Variants in EYS observed in about 807,000 individuals in gnomAD.
The protein encoded by EYS is EGF-like photoreceptor maintenance factor.
EYS carries 250 observed loss-of-function variants against 282.1 expected under a neutral mutation model. The ratio of observed to expected loss-of-function variants is 0.89; its 90% confidence interval spans 0.80 to 0.98. The LOEUF (loss-of-function observed/expected upper bound fraction) is 0.98, where lower values mean the gene tolerates loss of function less well. EYS is among the 50% of genes least tolerant of loss of function. The pLI is 0.00. For missense variants in EYS, 4,016 were observed against 3,709.0 expected (o/e 1.08, Z -2.15); for synonymous variants, 1,355 against 1,282.9 (o/e 1.06, Z -1.20).
intron 24 of EYS, among the ~76,000 whole-genome samples, chr6:64,606,074 A>G (rs1427190009): frequency 1.3e-5 from 2 of 151,834 alleles, no homozygotes; most frequent in Non-Finnish European, 2.9e-5. Flanking sequence ...CTGTGTTATA[A>G]TTGTTGTTTT....
chr6:64,605,230 G>A (rs570440445), intron 24 of EYS, among the ~76,000 whole-genome samples: 5 of 151,786 alleles, frequency 3.3e-5, no homozygotes, highest in Middle Eastern at 3.4e-3. Context: ...AATTATTTTC[G>A]ATATCCATGA....
At chr6:63,825,276 C>T (rs543268097) in intron 36 of EYS, among the ~76,000 whole-genome samples, 1 of 152,328 alleles carries the variant, frequency 6.6e-6, no homozygotes, top group African/African-American at 2.4e-5. Flanking sequence ...TGAGCTTAGA[C>T]ATGCCTAGCC....
intron 24 of EYS, among the ~76,000 whole-genome samples, chr6:64,600,945 T>G (rs1052740832): frequency 2.6e-5 from 4 of 152,098 alleles, no homozygotes; most frequent in Admixed American, 6.6e-5. Context: ...CCACTAGGAC[T>G]GTTATAGTGA....
intron 15 of EYS, among the ~76,000 whole-genome samples, chr6:64,933,576 G>A (rs887957699): frequency 3.3e-5 from 5 of 152,078 alleles, no homozygotes; most frequent in African/African-American, 4.8e-5. Context: ...ACAGTGTGGC[G>A]ATTCCTCAAG....
chr6:64,198,023 C>A (rs529330565), intron 31 of EYS, among the ~76,000 whole-genome samples: 1 of 151,678 alleles, frequency 6.6e-6, no homozygotes, highest in Non-Finnish European at 1.5e-5. Flanking sequence ...GACGGAGTCT[C>A]GCTCTGTTGC....
chr6:64,861,522 C>G (rs1295675529), intron 19 of EYS, among the ~76,000 whole-genome samples: 1 of 152,134 alleles, frequency 6.6e-6, no homozygotes, highest in East Asian at 1.9e-4. Context: ...CTCCCAGCCC[C>G]CAAGAGCTCA....
rs1020168698 is a variant in EYS, at chr6:65,086,814, G to C, written c.2024-29087C>G. On this transcript the variant is annotated intron_variant, in intron 12 of 42. Transcript: ENST00000503581. ...GTGGTGTGTGTGTATATAAACATTT[G>C]TAAATATGTATATGTGGGTTTTTTT... Among the ~76,000 whole-genome samples, 5 of 151,472 alleles carry C rather than the reference G, an allele frequency of 3.3e-5. No individual in the cohort carries two copies. The South Asian group carries it at 8.3e-4, about 25-fold the overall frequency.
intron 22 of EYS, among the ~76,000 whole-genome samples, chr6:64,795,513 A>G (rs148293890): frequency 1.7e-3 from 263 of 152,278 alleles, no homozygotes; most frequent in African/African-American, 6.2e-3. Flanking sequence ...GAGGACTGCT[A>G]TTGGGTACTT....
At chr6:65,027,313 T>G (rs758653736) in intron 13 of EYS, among the ~76,000 whole-genome samples, 48 of 152,214 alleles carry the variant, frequency 3.2e-4, no homozygotes, top group Non-Finnish European at 5.9e-4. Flanking sequence ...ATGAACTAGT[T>G]CTAATAAACT....
intron 35 of EYS, among the ~76,000 whole-genome samples, chr6:63,947,221 C>T (rs1765425593): frequency 6.6e-6 from 1 of 151,872 alleles, no homozygotes; most frequent in Admixed American, 6.6e-5. Flanking sequence ...GCTTAAATCC[C>T]AGTTCTTAAA....
chr6:65,403,285 T>C (rs1356710566), intron 6 of EYS, among the ~76,000 whole-genome samples: 1 of 152,040 alleles, frequency 6.6e-6, no homozygotes, highest in Non-Finnish European at 1.5e-5. Context: ...AAAAATAAAA[T>C]GAAATTAAAT....
chr6:65,358,937 A>G (rs1764596180), intron 8 of EYS, among the ~76,000 whole-genome samples: 1 of 152,048 alleles, frequency 6.6e-6, no homozygotes, highest in Non-Finnish European at 1.5e-5. Flanking sequence ...TCAATTCAGC[A>G]TTTGATCTAT....
At chr6:64,447,887 T>C (rs1307421875) in intron 26 of EYS, among the ~76,000 whole-genome samples, 1 of 152,196 alleles carries the variant, frequency 6.6e-6, no homozygotes, top group East Asian at 1.9e-4. Context: ...CACCATGAAA[T>C]GGAGATTGAT....
At chr6:64,307,184 A>G (rs973868637) in intron 29 of EYS, 102 bp from the exon 30 acceptor site, 34 of 602,562 alleles carry the variant, frequency 5.6e-5, no homozygotes, top group Non-Finnish European at 9.2e-5. Flanking sequence ...CTGGATTTGG[A>G]GGCTGATTTG....
intron 1 of EYS, among the ~76,000 whole-genome samples, chr6:65,671,326 A>G (rs1768384527): frequency 6.6e-6 from 1 of 152,156 alleles, no homozygotes; most frequent in Non-Finnish European, 1.5e-5. Context: ...AAAACATTAC[A>G]TTGGTAAATT....
chr6:64,584,741 A>G (rs1219658242), intron 26 of EYS, among the ~76,000 whole-genome samples: 1 of 152,210 alleles, frequency 6.6e-6, no homozygotes, highest in African/African-American at 2.4e-5. Flanking sequence ...TTAAAAGAAC[A>G]CTTAATAATC....
intron 12 of EYS, among the ~76,000 whole-genome samples, chr6:65,251,296 A>G (rs1767316696): frequency 6.6e-6 from 1 of 151,746 alleles, no homozygotes. Flanking sequence ...AAAGTAAACT[A>G]CACTAGAAAA....
chr6:64,696,101 C>A (rs566686331), intron 22 of EYS, among the ~76,000 whole-genome samples: 6 of 151,928 alleles, frequency 3.9e-5, no homozygotes, highest in African/African-American at 1.4e-4. Context: ...AAAACCCATA[C>A]AAAGAAATCA....
At chr6:64,569,423 G>C (rs961060608) in intron 26 of EYS, among the ~76,000 whole-genome samples, 9 of 151,938 alleles carry the variant, frequency 5.9e-5, no homozygotes, top group African/African-American at 2.2e-4. Flanking sequence ...ATGAAATAAA[G>C]CATGAAGACA....
Sources: gnomAD v4.1 joint callset for allele counts (sites outside exome capture counted in the v4.1 genomes callset) on GRCh38, gnomAD v4.1.1 for gene constraint, MANE v1.5 for transcripts, NCBI Gene and HGNC (gene_info 2026-07-23, HGNC 2026-07-21) for gene names.